TRPM6: variants seen among roughly 807,000 people sequenced by gnomAD.
The protein encoded by TRPM6 is channel kinase 2.
Under a neutral mutation model 247.6 loss-of-function variants are expected in TRPM6, and 111 were observed. The observed-to-expected ratio is 0.45, with a 90% CI of 0.38 to 0.52. TRPM6 has a LOEUF of 0.52. TRPM6 is among the 20% of genes least tolerant of loss of function. The pLI is 0.00. For synonymous variants in TRPM6, 892 were observed against 853.8 expected (o/e 1.04, Z -0.78); for missense variants, 2,126 against 2,421.5 (o/e 0.88, Z 2.56).
chr9:74,732,877 T>A, intron 36 of TRPM6, 141 bp from the exon 37 acceptor site: 1 of 719,194 alleles, frequency 1.4e-6, no homozygotes. Flanking sequence ...GAGCCCATAC[T>A]TCACCACTAA....
chr9:74,788,892 A>G, intron 19 of TRPM6, 150 bp from the exon 20 acceptor site: 1 of 867,114 alleles, frequency 1.2e-6, no homozygotes, highest in Non-Finnish European at 1.8e-6. Flanking sequence ...TTGATGACCT[A>G]CTATCAAGGA....
chr9:74,800,684 T>C (rs575131877), intron 16 of TRPM6, among the ~76,000 whole-genome samples: 2 of 151,284 alleles, frequency 1.3e-5, no homozygotes, highest in Admixed American at 1.3e-4. Context: ...CAGAAACTAT[T>C]TGAAAGGAAT....
chr9:74,838,839 G>T (rs1455818752), intron 5 of TRPM6, among the ~76,000 whole-genome samples: 1 of 152,152 alleles, frequency 6.6e-6, no homozygotes, highest in African/African-American at 2.4e-5. Context: ...GCCAGACATG[G>T]TGGCTCACGC....
rs967512404 is a variant in TRPM6 at position 74,818,442 on chromosome 9, A to T, written c.1135-1478T>A. 4.0e-5 allele frequency among the ~76,000 whole-genome samples: 6 copies of T among 150,796 alleles called. No individual in the cohort carries two copies. The East Asian group carries it at 1.2e-3, about 30-fold the overall frequency. ...CTAAGCCTCCCAAGTAGCTGGGATT[A>T]TAGGCACCCGCCACTATGCCTGGCT... On this transcript the variant is annotated intron_variant, in intron 9 of 38. Coordinates refer to ENST00000360774, the MANE Select transcript of TRPM6 (RefSeq NM_017662.5).
intron 25 of TRPM6, among the ~76,000 whole-genome samples, chr9:74,769,833 AT>A (rs1826968783): frequency 6.7e-6 from 1 of 150,182 alleles, no homozygotes; most frequent in Non-Finnish European, 1.5e-5. Context: ...GGTTCAGTAA[AT>A]TTGCCTGTGT....
intron 13 of TRPM6, among the ~76,000 whole-genome samples, chr9:74,810,539 G>A (rs1365424816): frequency 6.6e-6 from 1 of 152,230 alleles, no homozygotes; most frequent in Non-Finnish European, 1.5e-5. Flanking sequence ...GTAAGCTGAA[G>A]TTCTGATTAG....
rs778834110 is a variant in TRPM6 at position 74,810,841 on chromosome 9, G to A, written c.1471C>T (p.His491Tyr). 1.1e-5 allele frequency: 18 copies of A among 1,613,756 alleles called. No individual in the cohort carries two copies. In the South Asian group the frequency reaches 2.0e-4, roughly 18 times the overall value. ...TKQGPTNTLLHHLVQDVKQHT... is the reference protein window; with the variant it reads ...TKQGPTNTLLYHLVQDVKQHT... ...TGTTTCACATCTTGGACGAGATGAT[G>A]CAAGAGTGTATTAGTAGGTCCTTGT... Residue 491 changes from histidine (H) to tyrosine (Y), a missense_variant, in exon 13 of 39, where the codon CAT becomes TAT. By Grantham distance (83) the His-to-Tyr change is moderately conservative. Around this residue, in one of 3 missense-constraint regions of TRPM6, gnomAD observed 1,082 missense variants for 1,307.9 expected, o/e 0.83. Coordinates refer to ENST00000360774, the MANE Select transcript of TRPM6 (RefSeq NM_017662.5).
intron 3 of TRPM6, among the ~76,000 whole-genome samples, chr9:74,853,602 G>A (rs1241406188): frequency 6.6e-6 from 1 of 152,142 alleles, no homozygotes; most frequent in East Asian, 1.9e-4. Context: ...TCCACTCAGG[G>A]TTAAATGGAT....
At chr9:74,829,554 G>A (rs1829473211) in intron 6 of TRPM6, among the ~76,000 whole-genome samples, 1 of 152,124 alleles carries the variant, frequency 6.6e-6, no homozygotes. Context: ...AAGTAAGGAT[G>A]ATGATACTGA....
intron 13 of TRPM6, among the ~76,000 whole-genome samples, chr9:74,809,993 A>AC: frequency 6.6e-6 from 1 of 151,246 alleles, no homozygotes; most frequent in South Asian, 2.1e-4. Context: ...AAAAAAAAAA[A>AC]AAAAAAAAAC....
chr9:74,729,861 C>T (rs1825463584), intron 37 of TRPM6, among the ~76,000 whole-genome samples: 2 of 152,146 alleles, frequency 1.3e-5, no homozygotes, highest in East Asian at 3.8e-4. Context: ...TTTCTTCCTC[C>T]CAGTAAAACA....
At chr9:74,884,405 T>A (rs969468126) in intron 1 of TRPM6, among the ~76,000 whole-genome samples, 3 of 151,580 alleles carry the variant, frequency 2.0e-5, no homozygotes, top group Admixed American at 6.6e-5. Context: ...AGGAGAATGG[T>A]GTGAACCCAG....
chr9:74,825,297 A>AGTTAAGTAT (rs1310434928), intron 7 of TRPM6, among the ~76,000 whole-genome samples: 4 of 152,112 alleles, frequency 2.6e-5, no homozygotes, highest in Non-Finnish European at 4.4e-5. Flanking sequence ...ATCAACCACT[A>AGTTAAGTAT]GTTAAGTATT....
In TRPM6 at chr9:74,732,186, T is replaced by A. The variant is rs192441024; in HGVS notation, c.5828+499A>T. 2.8e-4 allele frequency among the ~76,000 whole-genome samples: 42 copies of A among 152,360 alleles called. No homozygotes were observed. The East Asian group carries it at 7.5e-3, about 27-fold the overall frequency. ...TTCAGCTCTTATTTAAGTCAGATAA[T>A]CTGATGCTTCATATTTAAGCTCCAT... On this transcript the variant is annotated intron_variant, in intron 37 of 38. Transcript: ENST00000360774.
chr9:74,830,841 CCGGCCTCGGCCT>C (rs1188300208), intron 6 of TRPM6, among the ~76,000 whole-genome samples: 3 of 147,182 alleles, frequency 2.0e-5, no homozygotes, highest in African/African-American at 7.5e-5. Flanking sequence ...AAGCAATCCG[CCGGCCTCGGCCT>C]CGGCCTCCCA....
At position 74,878,084 on chromosome 9, in the gene TRPM6, C is replaced by T. The variant is rs560481978; in HGVS notation, c.33+9740G>A. On this transcript the variant is annotated intron_variant, in intron 1 of 38. Coordinates refer to ENST00000360774, the MANE Select transcript of TRPM6 (RefSeq NM_017662.5). The stretch of plus-strand genomic sequence containing the variant: ...GGCTCACCCAACCTGCCACCAACAC[C>T]ACAGCTGGCACCCACACGCACACCA... Among the ~76,000 whole-genome samples, 6 of 152,282 alleles carry T rather than the reference C, an allele frequency of 3.9e-5. No homozygotes were observed. In the East Asian group the frequency reaches 1.2e-3, roughly 29 times the overall value.
chr9:74,834,290 T>C (rs535378472), intron 5 of TRPM6, among the ~76,000 whole-genome samples, 168 bp from the exon 6 acceptor site: 1 of 152,220 alleles, frequency 6.6e-6, no homozygotes, highest in South Asian at 2.1e-4. Flanking sequence ...CTCTATTCTT[T>C]CTAGACACAT....
rs536948995 is a variant in TRPM6 at position 74,887,451 on chromosome 9, T to C, written c.33+373A>G. On this transcript the variant is annotated intron_variant, in intron 1 of 38. Coordinates refer to ENST00000360774, the MANE Select transcript of TRPM6 (RefSeq NM_017662.5). ...TTCTCAGCTCAAGCCACCTCCGAAC[T>C]CCTCTCCCTCCGGCCCGGAGCGGAA... 3.2e-5 allele frequency: 34 copies of C among 1,068,706 alleles called. No individual in the cohort carries two copies. In the African/African-American group the frequency reaches 5.1e-4, roughly 16 times the overall value. The allele number at this position is 1,068,706 out of a possible 1,614,324, so 66.2% of individuals were successfully genotyped here.
At position 74,733,854 on chromosome 9, in the gene TRPM6, G is replaced by A. The variant is rs142743795; in HGVS notation, c.5777-1118C>T. Among the ~76,000 whole-genome samples, 319 of 152,180 alleles carry A rather than the reference G, an allele frequency of 2.1e-3. 3 individuals are homozygous for A. The highest frequency in any genetic ancestry group is 7.3e-3 in the African/African-American group (305 of 41,512). ...ATTACAGGCGTGAGCCACCATGCCC[G>A]GCCACATACTTATACTTTCATTCTA... On this transcript the variant is annotated intron_variant, in intron 36 of 38. Coordinates refer to ENST00000360774, the MANE Select transcript of TRPM6 (RefSeq NM_017662.5).
Sources: gnomAD v4.1 joint callset for allele counts (sites outside exome capture counted in the v4.1 genomes callset) on GRCh38, gnomAD v4.1.1 for gene constraint, gnomAD v4.1.1 regional missense constraint, MANE v1.5 for transcripts, NCBI Gene and HGNC (gene_info 2026-07-23, HGNC 2026-07-21) for gene names.